Variants in MAML2 observed in about 807,000 individuals in gnomAD.
MAML2 encodes mastermind-like protein 2.
MAML2 carries 22 observed loss-of-function variants against 96.1 expected under a neutral mutation model. That is an observed-to-expected ratio of 0.23 (90% CI 0.16 to 0.33). MAML2 has a LOEUF of 0.33. Among genes scored for constraint, MAML2 ranks in the 10% least tolerant of loss-of-function variants. MAML2 has a pLI of 1.00. For synonymous variants in MAML2, 561 were observed against 521.3 expected (o/e 1.08, Z -1.04); for missense variants, 1,367 against 1,392.4 (o/e 0.98, Z 0.29).
At chr11:96,275,523 C>T (rs1212537687) in intron 1 of MAML2, among the ~76,000 whole-genome samples, 7 of 152,258 alleles carry the variant, frequency 4.6e-5, no homozygotes, top group African/African-American at 1.7e-4. Context: ...CCCGCCTTGA[C>T]CTCCCAAAGT....
chr11:96,092,897 G>T lies in MAML2; in HGVS notation c.1134C>A (p.Gly378=). The T allele has an allele frequency of 6.2e-7, 1 of 1,605,132 alleles. No individual in the cohort carries two copies. Among genetic ancestry groups the T allele is most frequent in the Non-Finnish European group, 8.5e-7 (1 of 1,175,374 alleles). The change falls in exon 2 of 5, where the codon GGC becomes GGA. Residue 378 remains glycine, a synonymous_variant. Coordinates refer to ENST00000524717, the MANE Select transcript of MAML2 (RefSeq NM_032427.4). This position sits in a 1 kb window ranked among gnomAD's most constrained non-coding sequence, Gnocchi z 4.1. ...YSPGLTQGPS[G]SPQLRPPSAG... is the part of the protein sequence containing the mutation. ...CTGATGGGGGCCTCAGCTGAGGAGA[G>T]CCTGAGGGGCCCTGAGTCAAGCCCG...
At chr11:96,069,893 C>T (rs1859314268) in intron 2 of MAML2, among the ~76,000 whole-genome samples, 5 of 150,586 alleles carry the variant, frequency 3.3e-5, no homozygotes, top group South Asian at 4.2e-4. Context: ...TGTGGTGGTG[C>T]GTGCCTGTAA....
chr11:96,132,618 C>T (rs1860564573), intron 1 of MAML2, among the ~76,000 whole-genome samples: 1 of 152,186 alleles, frequency 6.6e-6, no homozygotes, highest in African/African-American at 2.4e-5. Flanking sequence ...ATGAGTCATT[C>T]TGCAAACATA....
At chr11:96,168,105 ACT>A (rs974367946) in intron 1 of MAML2, among the ~76,000 whole-genome samples, 3 of 151,916 alleles carry the variant, frequency 2.0e-5, no homozygotes, top group African/African-American at 7.3e-5. Flanking sequence ...CTGGGTTCAA[ACT>A]CTGTGCCATT....
At chr11:96,039,190 G>A (rs117006533) in intron 2 of MAML2, among the ~76,000 whole-genome samples, 3,122 of 152,178 alleles carry the variant, frequency 0.021, 37 homozygotes, top group Middle Eastern at 0.054. Flanking sequence ...AGGAGGTTGA[G>A]GTTTCAGGGA....
In MAML2 at chr11:96,140,523, C is replaced by T. The variant is rs78324914; in HGVS notation, c.514-47006G>A. ...GACAAGATCTTGGAGTTTCTTTGAG[C>T]AAACCATAAGAAGCTACTCTCTAAA... On this transcript the variant is annotated intron_variant, in intron 1 of 4. Transcript: ENST00000524717. Among the ~76,000 whole-genome samples, 498 of 152,246 alleles carry T rather than the reference C, an allele frequency of 3.3e-3. 10 individuals carry two copies. The East Asian group carries it at 0.065, about 20-fold the overall frequency.
At chr11:96,003,393 T>G (rs2135720540) in intron 2 of MAML2, among the ~76,000 whole-genome samples, 1 of 152,136 alleles carries the variant, frequency 6.6e-6, no homozygotes, top group Non-Finnish European at 1.5e-5. Context: ...TTATTCACAT[T>G]TTAAAGATAA....
At chr11:96,007,722 A>G (rs1031222219) in intron 2 of MAML2, among the ~76,000 whole-genome samples, 9 of 152,156 alleles carry the variant, frequency 5.9e-5, no homozygotes, top group African/African-American at 1.7e-4. Flanking sequence ...AACATGATTT[A>G]TAATTACTTA....
At chr11:95,996,217 T>C (rs887611081) in intron 2 of MAML2, among the ~76,000 whole-genome samples, 2 of 152,252 alleles carry the variant, frequency 1.3e-5, no homozygotes, top group South Asian at 2.1e-4. Context: ...CAAAATGTAC[T>C]TAGAAATGGG....
chr11:96,187,513 A>T (rs1250558660), intron 1 of MAML2, among the ~76,000 whole-genome samples: 1 of 152,212 alleles, frequency 6.6e-6, no homozygotes, highest in Non-Finnish European at 1.5e-5. Context: ...AAAGTGAGTA[A>T]GAAGTTTTAA....
At chr11:96,016,928 T>C (rs1322438561) in intron 2 of MAML2, among the ~76,000 whole-genome samples, 1 of 152,218 alleles carries the variant, frequency 6.6e-6, no homozygotes, top group Non-Finnish European at 1.5e-5. Flanking sequence ...CAAATGTTGC[T>C]AGTAACCCTT....
chr11:96,193,068 G>C lies in MAML2; in HGVS notation c.514-99551C>G, dbSNP rs115156653. Among the ~76,000 whole-genome samples the C allele has an allele frequency of 8.9e-3, 1,361 of 152,268 alleles. 25 individuals are homozygous for C. Among genetic ancestry groups the C allele is most frequent in the African/African-American group, 0.031 (1,292 of 41,544 alleles). On this transcript the variant is annotated intron_variant, in intron 1 of 4. Coordinates refer to ENST00000524717, the MANE Select transcript of MAML2 (RefSeq NM_032427.4). ...TCTCTGGCTCTTGCCATCTTCCACT[G>C]ATTAAAGTATGGTGTTGGGGCCGGG...
At chr11:96,083,294 T>C (rs7947986) in intron 2 of MAML2, among the ~76,000 whole-genome samples, 89,672 of 151,730 alleles carry the variant, frequency 0.59, 27,975 homozygotes, top group African/African-American at 0.76. Flanking sequence ...ATAAACTACC[T>C]GTGCAGTTTT....
intron 1 of MAML2, among the ~76,000 whole-genome samples, chr11:96,204,825 C>T (rs1039450821): frequency 3.3e-5 from 5 of 152,182 alleles, no homozygotes; most frequent in East Asian, 1.9e-4. Flanking sequence ...AACATGTTTT[C>T]GATGTAATTT....
intron 1 of MAML2, among the ~76,000 whole-genome samples, chr11:96,143,178 T>C (rs1241774585): frequency 2.0e-5 from 3 of 152,226 alleles, no homozygotes. Context: ...AGTTGGGTCA[T>C]TATCAGAGTG....
chr11:96,229,321 G>T (rs965355044), intron 1 of MAML2, among the ~76,000 whole-genome samples: 1 of 151,568 alleles, frequency 6.6e-6, no homozygotes. Context: ...CCATTTTCTA[G>T]AACAGCAATT....
intron 2 of MAML2, among the ~76,000 whole-genome samples, chr11:95,992,758 C>A (rs1472826361): frequency 2.0e-5 from 3 of 152,128 alleles, no homozygotes; most frequent in Non-Finnish European, 2.9e-5. Context: ...GATGCCCTGG[C>A]CTTGTCCCAG....
chr11:96,138,097 T>C (rs1278177885), intron 1 of MAML2, among the ~76,000 whole-genome samples: 1 of 152,212 alleles, frequency 6.6e-6, no homozygotes, highest in Non-Finnish European at 1.5e-5. Flanking sequence ...ATATTTAGGC[T>C]AATAAGAACA....
chr11:96,054,702 A>C (rs1859035309), intron 2 of MAML2, among the ~76,000 whole-genome samples: 1 of 151,982 alleles, frequency 6.6e-6, no homozygotes, highest in Non-Finnish European at 1.5e-5. Context: ...ATTTTGTTAT[A>C]TTACTTCTGG....
Sources: gnomAD v4.1 joint callset for allele counts (sites outside exome capture counted in the v4.1 genomes callset) on GRCh38, gnomAD v4.1.1 for gene constraint, Gnocchi (gnomAD v3.1) non-coding constraint, MANE v1.5 for transcripts, NCBI Gene and HGNC (gene_info 2026-07-23, HGNC 2026-07-21) for gene names.